EIF2AK1: variants seen among roughly 807,000 people sequenced by gnomAD.
EIF2AK1 encodes eukaryotic translation initiation factor 2-alpha kinase 1.
EIF2AK1 carries 54 observed loss-of-function variants against 77.9 expected under a neutral mutation model. The ratio of observed to expected loss-of-function variants is 0.69; its 90% confidence interval spans 0.56 to 0.87. The LOEUF (loss-of-function observed/expected upper bound fraction) is 0.87, where lower values mean the gene tolerates loss of function less well. Among genes scored for constraint, EIF2AK1 ranks in the 40% least tolerant of loss-of-function variants. The pLI is 0.00. For synonymous variants in EIF2AK1, 314 were observed against 290.5 expected, an observed-to-expected ratio of 1.08 and a Z score of -0.82; for missense variants, 810 against 768.6, an observed-to-expected ratio of 1.05 and a Z score of -0.64.
intron 1 of EIF2AK1, among the ~76,000 whole-genome samples, chr7:6,056,098 G>A (rs1040019665): frequency 6.7e-6 from 1 of 150,338 alleles, no homozygotes; most frequent in African/African-American, 2.5e-5. Flanking sequence ...CTCAGGACCA[G>A]CCTGGCCAAC....
At chr7:6,056,542 C>T (rs1309126741) in intron 1 of EIF2AK1, among the ~76,000 whole-genome samples, 24 of 142,500 alleles carry the variant, frequency 1.7e-4, no homozygotes, top group Non-Finnish European at 2.9e-4. Context: ...TGCAGTGAGC[C>T]GAGATCGCGC....
chr7:6,023,463 A>G lies in EIF2AK1; in HGVS notation c.*1210T>C. ...TAGATATTGCGATTTTTCAGTTAAA[A>G]GAGGGAAGCAGTAAAGAAAAAGCCG... On this transcript the variant is annotated 3_prime_UTR_variant, in exon 15 of 15. Transcript: ENST00000199389. 1 of 1,614,172 alleles carries G rather than the reference A, an allele frequency of 6.2e-7. No individual in the cohort carries two copies. The highest frequency in any genetic ancestry group is 1.6e-4 in the Middle Eastern group (1 of 6,062).
At chr7:6,025,423 G>C (rs1787714355) in intron 14 of EIF2AK1, among the ~76,000 whole-genome samples, 1 of 151,836 alleles carries the variant, frequency 6.6e-6, no homozygotes, top group Non-Finnish European at 1.5e-5. Context: ...GCCTCCCAAA[G>C]TGCTGGGATT....
At chr7:6,047,162 C>G in intron 4 of EIF2AK1, 71 bp from the exon 5 acceptor site, 1 of 1,404,948 alleles carries the variant, frequency 7.1e-7, no homozygotes, top group Non-Finnish European at 1.0e-6. Flanking sequence ...ACCTCATGCT[C>G]ACAGGATTAC....
intron 5 of EIF2AK1, 38 bp from the exon 6 acceptor site, chr7:6,046,189 T>C (rs1261917620): frequency 3.3e-6 from 4 of 1,219,794 alleles, no homozygotes; most frequent in African/African-American, 1.6e-5. Flanking sequence ...TATTGTGTCA[T>C]TAAACTTTAA....
chr7:6,047,185 C>T (rs1788471525), intron 4 of EIF2AK1, 94 bp from the exon 5 acceptor site: 17 of 1,221,170 alleles, frequency 1.4e-5, no homozygotes, highest in Non-Finnish European at 2.0e-5. Context: ...ACCTCACAAA[C>T]CTCATGTATC....
chr7:6,028,727 T>C (rs776063827), intron 12 of EIF2AK1, 30 bp from the exon 13 acceptor site: 70 of 1,601,676 alleles, frequency 4.4e-5, no homozygotes, highest in African/African-American at 1.2e-4. Context: ...ATATTAAACA[T>C]TGCAGTTAGC....
rs1787784302 is a variant in EIF2AK1, at chr7:6,027,578, T to C, written c.1531-617A>G. ...TTTGAAAAATGGATTTTAGCATTTC[T>C]TCCAGGAACAAGGGAGATTCAAACT... On this transcript the variant is annotated intron_variant, in intron 13 of 14. Coordinates refer to ENST00000199389, the MANE Select transcript of EIF2AK1 (RefSeq NM_014413.4). The surrounding 1 kb of genome is among the most constrained non-coding windows in gnomAD (Gnocchi z 4.5). Among the ~76,000 whole-genome samples the C allele has an allele frequency of 6.6e-6, 1 of 152,142 alleles. No homozygotes were observed. The highest frequency in any genetic ancestry group is 1.5e-5 in the Non-Finnish European group (1 of 68,014).
intron 10 of EIF2AK1, 56 bp downstream of exon 10, chr7:6,038,504 T>G: frequency 7.6e-7 from 1 of 1,323,308 alleles, no homozygotes; most frequent in Non-Finnish European, 1.0e-6. Context: ...CTACATGAGA[T>G]GGGGAAGGTG....
chr7:6,038,788 C>A (rs1788182742), intron 9 of EIF2AK1, 117 bp from the exon 10 acceptor site: 2 of 770,208 alleles, frequency 2.6e-6, no homozygotes, highest in South Asian at 4.2e-5. Context: ...CTAGGGAAGT[C>A]ATTAAACCTG....
Position 6,035,438 on chromosome 7 carries a change from T to C in EIF2AK1, c.1332+1986A>G, listed in dbSNP as rs1788049069. On this transcript the variant is annotated intron_variant, in intron 11 of 14. Coordinates refer to ENST00000199389, the MANE Select transcript of EIF2AK1 (RefSeq NM_014413.4). This position sits in a 1 kb window ranked among gnomAD's most constrained non-coding sequence, Gnocchi z 5.5. ...CAGTGTAACGTGTAATCAATACCCATTCTAGGGACACGACAGGCCTCACCA... is the reference window on the plus strand; with the variant it reads ...CAGTGTAACGTGTAATCAATACCCACTCTAGGGACACGACAGGCCTCACCA... 6.5e-7 allele frequency: 1 copy of C among 1,548,124 alleles called. No homozygotes were observed. Among genetic ancestry groups the C allele is most frequent in the Non-Finnish European group, 8.7e-7 (1 of 1,145,056 alleles).
rs1309431234 is a variant in EIF2AK1, at chr7:6,035,891, C to T, written c.1332+1533G>A. The T allele has an allele frequency of 9.1e-6, 14 of 1,546,378 alleles. No homozygotes were observed. Among genetic ancestry groups the T allele is most frequent in the East Asian group, 4.9e-5 (2 of 40,852 alleles). On this transcript the variant is annotated intron_variant, in intron 11 of 14. Coordinates refer to ENST00000199389, the MANE Select transcript of EIF2AK1 (RefSeq NM_014413.4). The surrounding 1 kb of genome is among the most constrained non-coding windows in gnomAD (Gnocchi z 5.5). ...CATCAAGCAAAGCAGGCCGACTCCTCGGGGCGGGGGTCAGCTGCATCCGTC... is the reference window on the plus strand; with the variant it reads ...CATCAAGCAAAGCAGGCCGACTCCTTGGGGCGGGGGTCAGCTGCATCCGTC...
chr7:6,054,839 A>T, intron 1 of EIF2AK1, 135 bp from the exon 2 acceptor site: 1 of 924,128 alleles, frequency 1.1e-6, no homozygotes, highest in Non-Finnish European at 1.6e-6. Context: ...AGTTATGCTG[A>T]GTTGGGTTAA....
Position 6,035,942 on chromosome 7 carries a change from C to A in EIF2AK1, c.1332+1482G>T. The A allele has an allele frequency of 6.5e-7, 1 of 1,547,830 alleles. No homozygotes were observed. Among genetic ancestry groups the A allele is most frequent in the Non-Finnish European group, 8.7e-7 (1 of 1,145,144 alleles). On this transcript the variant is annotated intron_variant, in intron 11 of 14. Transcript: ENST00000199389. This position sits in a 1 kb window ranked among gnomAD's most constrained non-coding sequence, Gnocchi z 5.5. ...TGCTACTCACTCACGGAGCCAAAGT[C>A]AACGCCCAGGACTACAAGGGCCAAA...
At position 6,042,976 on chromosome 7, in the gene EIF2AK1, C is replaced by G; in HGVS notation, c.748G>C (p.Glu250Gln). The G allele has an allele frequency of 6.2e-7, 1 of 1,614,140 alleles. No individual in the cohort carries two copies. Among genetic ancestry groups the G allele is most frequent in the Non-Finnish European group, 8.5e-7 (1 of 1,179,994 alleles). Residue 250 changes from glutamate to glutamine, a missense_variant, in exon 8 of 15, where the codon GAG becomes CAG. This residue lies in a region of EIF2AK1 where 549 missense variants were observed against 533.7 expected (regional missense o/e 1.03). Transcript: ENST00000199389. ...GAGAGCACTTCCAGAGATGGCAACT[C>G]AATGGCAGCTCTGTCTGCTGAATGA... The part of the protein sequence containing the change: ...IQPRADRAAI[E>Q]LPSLEVLSDQ...
At chr7:6,029,562 G>A (rs536270186) in intron 11 of EIF2AK1, among the ~76,000 whole-genome samples, 4 of 151,912 alleles carry the variant, frequency 2.6e-5, no homozygotes, top group South Asian at 4.2e-4. Context: ...GCGGGTGAAC[G>A]CAAGCATCAG....
At position 6,058,985 on chromosome 7, in the gene EIF2AK1, G is replaced by A. The variant is rs1179371247; in HGVS notation, c.99C>T (p.Gly33=). 1.9e-6 allele frequency: 3 copies of A among 1,541,526 alleles called. No homozygotes were observed. The highest frequency in any genetic ancestry group is 2.6e-6 in the Non-Finnish European group (3 of 1,147,290). ...CCTCACCGTCATATTCGGGGTCCGG[G>A]CCCTCGGCGGGAAAGTCGATGGCCG... is the stretch of plus-strand genomic sequence containing the variant. ...APPAIDFPAE[G]PDPEYDESDV... The change falls in exon 1 of 15, where the codon GGC becomes GGT. Residue 33 remains glycine, a synonymous_variant. Coordinates refer to ENST00000199389, the MANE Select transcript of EIF2AK1 (RefSeq NM_014413.4).
At chr7:6,051,223 C>T (rs1455314843) in intron 2 of EIF2AK1, among the ~76,000 whole-genome samples, 3 of 152,038 alleles carry the variant, frequency 2.0e-5, no homozygotes, top group African/African-American at 7.2e-5. Context: ...TGCCTTGGCT[C>T]CTACTCATTC....
chr7:6,036,705 A>C lies in EIF2AK1; in HGVS notation c.1332+719T>G, dbSNP rs1788109274. Among the ~76,000 whole-genome samples, 1 of 152,150 alleles carries C rather than the reference A, an allele frequency of 6.6e-6. No individual in the cohort carries two copies. Among genetic ancestry groups the C allele is most frequent in the African/African-American group, 2.4e-5 (1 of 41,446 alleles). On this transcript the variant is annotated intron_variant, in intron 11 of 14. Coordinates refer to ENST00000199389, the MANE Select transcript of EIF2AK1 (RefSeq NM_014413.4). The surrounding 1 kb of genome is among the most constrained non-coding windows in gnomAD (Gnocchi z 4.6). ...AGCCTTTTGTGGATAAAAATCAAAT[A>C]GTCATTATAGACTTTTCTAAAACAG...
Sources: gnomAD v4.1 joint callset for allele counts (sites outside exome capture counted in the v4.1 genomes callset) on GRCh38, gnomAD v4.1.1 for gene constraint, gnomAD v4.1.1 regional missense constraint, Gnocchi (gnomAD v3.1) non-coding constraint, MANE v1.5 for transcripts, NCBI Gene and HGNC (gene_info 2026-07-23, HGNC 2026-07-21) for gene names.